Variants in SELENOP observed in about 807,000 individuals in gnomAD.
SELENOP encodes the protein selenoprotein P, also known as selenoprotein P, plasma, 1.
A neutral mutation model predicts 41.0 loss-of-function variants in SELENOP; 36 were observed. The ratio of observed to expected loss-of-function variants is 0.88; its 90% CI spans 0.67 to 1.16. The LOEUF (loss-of-function observed/expected upper bound fraction) is 1.16. Ranked by LOEUF, SELENOP falls within the 50% of genes most tolerant of loss-of-function variation. The pLI is 0.00. For missense variants in SELENOP, 440 were observed against 454.2 expected (o/e 0.97, Z 0.28); for synonymous variants, 144 against 150.8 (o/e 0.95, Z 0.33).
rs767203304 is a variant in SELENOP, at chr5:42,806,964, T to A, written c.348A>T (p.Gln116His). 1.4e-5 allele frequency: 22 copies of A among 1,612,006 alleles called. No homozygotes were observed. Among genetic ancestry groups the A allele is most frequent in the Non-Finnish European group, 1.0e-5 (12 of 1,178,694 alleles). The change falls in exon 3 of 5, where the codon CAA becomes CAT. Residue 116 changes from glutamine to histidine, a missense_variant. Transcript: ENST00000514985. ...TCCAGACATCTGTTTGGTTTTCTTC[T>A]TGTTGATAAACAGGAATATGCTCTG... ...KVSEHIPVYQ[Q>H]EENQTDVWTL...
At chr5:42,808,623 G>T (rs1486714622) in intron 1 of SELENOP, among the ~76,000 whole-genome samples, 1 of 151,972 alleles carries the variant, frequency 6.6e-6, no homozygotes, top group Non-Finnish European at 1.5e-5. Flanking sequence ...AGAAGAAAGG[G>T]ATAGGCCGGG....
At position 42,801,002 on chromosome 5, in the gene SELENOP, T is replaced by C; in HGVS notation, c.864A>G (p.Lys288=). ...RKRCINQLLC[K]LPTDSELAPR... ...GAGCCAACTCTGAATCTGTGGGCAA[T>C]TTACAGAGTAATTGATTTATACATC... Residue 288 remains lysine, a synonymous_variant, in exon 5 of 5, where the codon AAA becomes AAG. Coordinates refer to ENST00000514985, the MANE Select transcript of SELENOP (RefSeq NM_005410.4). 1 of 1,614,182 alleles carries C rather than the reference T, an allele frequency of 6.2e-7. No homozygotes were observed.
chr5:42,804,572 ATTGAG>A, intron 4 of SELENOP, 79 bp downstream of exon 4: 1 of 729,518 alleles, frequency 1.4e-6, no homozygotes, highest in Admixed American at 2.5e-5. Flanking sequence ...CTGCAAAAGC[ATTGAG>A]TTTTCTAAAT....
Position 42,801,173 on chromosome 5 carries a change from T to G in SELENOP, c.693A>C (p.Ala231=). The G allele has an allele frequency of 6.2e-7, 1 of 1,614,178 alleles. No individual in the cohort carries two copies. The highest frequency in any genetic ancestry group is 8.5e-7 in the Non-Finnish European group (1 of 1,180,038). ...GAGCAGGATGAGTAGGAGCATTTGGTGCTCCTGGTTGCTGATTCTCTGAAA... is the reference window on the plus strand; with the variant it reads ...GAGCAGGATGAGTAGGAGCATTTGGGGCTCCTGGTTGCTGATTCTCTGAAA... The part of the protein sequence containing the change: ...SELSENQQPG[A]PNAPTHPAPP... Residue 231 remains alanine, a synonymous_variant, in exon 5 of 5, where the codon GCA becomes GCC. Transcript: ENST00000514985.
intron 1 of SELENOP, among the ~76,000 whole-genome samples, chr5:42,811,500 A>G (rs1760457252): frequency 6.6e-6 from 1 of 152,188 alleles, no homozygotes; most frequent in Non-Finnish European, 1.5e-5. Context: ...TCTGCCCTTC[A>G]GTGGAAAATA....
At position 42,801,122 on chromosome 5, in the gene SELENOP, C is replaced by G; in HGVS notation, c.744G>C (p.Lys248Asn). Reference sequence around the variant, plus strand: ...GACCCTGCCTATGCTGACCCTTGTGCTTATGGTGGTGATGAAGGCCTGGAG... The same window carrying G: ...GACCCTGCCTATGCTGACCCTTGTGGTTATGGTGGTGATGAAGGCCTGGAG... ...PAPPGLHHHH[K>N]HKGQHRQGHP... Residue 248 changes from lysine to asparagine, a missense_variant, in exon 5 of 5, where the codon AAG becomes AAC. Transcript: ENST00000514985. 6.2e-7 allele frequency: 1 copy of G among 1,614,088 alleles called. No homozygotes were observed.
At chr5:42,804,250 T>A (rs950849809) in intron 4 of SELENOP, among the ~76,000 whole-genome samples, 6 of 152,092 alleles carry the variant, frequency 3.9e-5, no homozygotes, top group South Asian at 4.1e-4. Context: ...TCACAAGGGC[T>A]GGAGATCGAG....
intron 3 of SELENOP, 186 bp downstream of exon 3, chr5:42,806,710 A>G (rs1258535747): frequency 7.1e-6 from 3 of 422,242 alleles, no homozygotes; most frequent in Non-Finnish European, 1.3e-5. Context: ...TTTTAAAATG[A>G]GAGTATTTCA....
chr5:42,806,638 G>C, intron 3 of SELENOP: 1 of 273,182 alleles, frequency 3.7e-6, no homozygotes, highest in Non-Finnish European at 7.0e-6. Context: ...AGGAAGTGTG[G>C]AGGAGGAGAA....
Position 42,801,309 on chromosome 5 carries a change from C to T in SELENOP, c.557G>A (p.Cys186Tyr). 1.2e-6 allele frequency: 2 copies of T among 1,609,272 alleles called. No homozygotes were observed. The highest frequency in any genetic ancestry group is 1.7e-6 in the Non-Finnish European group (2 of 1,177,816). The change falls in exon 5 of 5, where the codon TGT becomes TAT. Residue 186 changes from cysteine (C) to tyrosine (Y), a missense_variant. Coordinates refer to ENST00000514985, the MANE Select transcript of SELENOP (RefSeq NM_005410.4). ...CACAGTAGCCAAAGATACACGTTTA[C>T]AAAAGTCTTCATCTTTGAGAGTCTG... The part of the protein sequence containing the change: ...SLTTLKDEDF[C>Y]KRVSLATVDK...
intron 4 of SELENOP, chr5:42,802,306 T>A (rs1041458933): frequency 6.6e-6 from 1 of 152,166 alleles, no homozygotes; most frequent in Non-Finnish European, 1.5e-5. Context: ...TAACAGTAAA[T>A]CTCAACCTAA....
At position 42,808,342 on chromosome 5, in the gene SELENOP, G is replaced by T. The variant is rs377491375; in HGVS notation, c.12C>A (p.Ser4Arg). Residue 4 changes from serine (S) to arginine (R), a missense_variant, in exon 2 of 5, where the codon AGC (serine) becomes AGA (arginine). Physicochemically the swap from Ser to Arg is moderately radical, Grantham distance 110. Coordinates refer to ENST00000514985, the MANE Select transcript of SELENOP (RefSeq NM_005410.4). ...GACAGAGAGCCAGGGCAAGCCCCAG[G>T]CTTCTCCACATTGCTGGGGTTGTCC... MWRSLGLALALCLL... is the reference protein window; with the variant it reads MWRRLGLALALCLL... The T allele has an allele frequency of 2.9e-5, 41 of 1,407,238 alleles. No homozygotes were observed. Among genetic ancestry groups the T allele is most frequent in the South Asian group, 3.5e-5 (2 of 57,376 alleles). The allele number at this position is 1,407,238 out of a possible 1,614,324, so 87.2% of individuals were successfully genotyped here.
chr5:42,804,512 C>G, intron 4 of SELENOP, 144 bp downstream of exon 4: 1 of 509,502 alleles, frequency 2.0e-6, no homozygotes, highest in South Asian at 3.3e-5. Flanking sequence ...GGTTAGATGA[C>G]AGGATGTTTG....
chr5:42,807,622 T>C (rs1383254311), intron 2 of SELENOP: 1 of 155,146 alleles, frequency 6.4e-6, no homozygotes, highest in African/African-American at 2.4e-5. Context: ...ATAAAGGATT[T>C]GAGCTCCATG....
intron 1 of SELENOP, among the ~76,000 whole-genome samples, chr5:42,809,546 T>C (rs577733124): frequency 1.3e-5 from 2 of 152,330 alleles, no homozygotes; most frequent in Non-Finnish European, 2.9e-5. Context: ...GGGAAATCAA[T>C]ATATTTTCAA....
At chr5:42,807,318 C>G in intron 2 of SELENOP, 1 of 361,240 alleles carries the variant, frequency 2.8e-6, no homozygotes, top group African/African-American at 2.0e-5. Flanking sequence ...AAACCTTATG[C>G]TTAAACAAAC....
Position 42,800,605 on chromosome 5 carries a change from C to T in SELENOP, c.*115G>A. ...TGGAAGCCAATTCAGTAGATTTCTC[C>T]ATGTTTGCACAAATCTAATTTCTAT... On this transcript the variant is annotated 3_prime_UTR_variant, in exon 5 of 5. Coordinates refer to ENST00000514985, the MANE Select transcript of SELENOP (RefSeq NM_005410.4). 1 of 1,264,238 alleles carries T rather than the reference C, an allele frequency of 7.9e-7. No individual in the cohort carries two copies. Among genetic ancestry groups the T allele is most frequent in the Non-Finnish European group, 1.1e-6 (1 of 927,468 alleles). 78.3% of individuals were successfully genotyped at this position (1,264,238 alleles called of 1,614,324 possible). A position where few individuals can be genotyped will look rare whatever the true frequency, so the allele number is the denominator to read the frequency against.
In SELENOP at chr5:42,799,973, G is replaced by C; in HGVS notation, c.*747C>G. ...TTGCTTAATAGTATTAACCATAAAGGAGGTCAGGTTTATAGGGTTTGGTTT... is the reference window on the plus strand; with the variant it reads ...TTGCTTAATAGTATTAACCATAAAGCAGGTCAGGTTTATAGGGTTTGGTTT... On this transcript the variant is annotated 3_prime_UTR_variant, in exon 5 of 5. Transcript: ENST00000514985. 1 of 614,934 alleles carries C rather than the reference G, an allele frequency of 1.6e-6. No homozygotes were observed. The highest frequency in any genetic ancestry group is 2.7e-6 in the Non-Finnish European group (1 of 370,874). The allele number at this position is 614,934 out of a possible 1,614,324, so 38.1% of individuals were successfully genotyped here. A position where few individuals can be genotyped will look rare whatever the true frequency, so the allele number is the denominator to read the frequency against.
rs554434415 is a variant in SELENOP at position 42,801,311 on chromosome 5, A to G, written c.555T>C (p.Phe185=). The change falls in exon 5 of 5, where the codon TTT becomes TTC. Residue 185 remains phenylalanine, a synonymous_variant. Coordinates refer to ENST00000514985, the MANE Select transcript of SELENOP (RefSeq NM_005410.4). ...CSLTTLKDED[F]CKRVSLATVD... ...CAGTAGCCAAAGATACACGTTTACA[A>G]AAGTCTTCATCTTTGAGAGTCTGGA... is the stretch of plus-strand genomic sequence containing the variant. 23 of 1,609,636 alleles carry G rather than the reference A, an allele frequency of 1.4e-5. No homozygotes were observed. In the African/African-American group the frequency reaches 2.5e-4, roughly 18 times the overall value.
Sources: allele counts gnomAD v4.1 joint callset (sites outside exome capture counted in the v4.1 genomes callset), GRCh38; gene constraint gnomAD v4.1.1; transcripts MANE v1.5; gene names NCBI Gene and HGNC (gene_info 2026-07-23, HGNC 2026-07-21).